Variants in ABHD12 observed in about 807,000 individuals in gnomAD.
ABHD12 encodes the protein lysophosphatidylserine lipase ABHD12.
In ABHD12, 43 loss-of-function variants were observed where a neutral mutation model predicts 58.3. That is an observed-to-expected ratio of 0.74 (90% CI 0.58 to 0.95). The LOEUF (loss-of-function observed/expected upper bound fraction) is 0.95. Ranked by LOEUF, ABHD12 falls within the 40% of genes least tolerant of loss-of-function variation. ABHD12 has a pLI of 0.00. For missense variants in ABHD12, 539 were observed against 537.2 expected (o/e 1.00, Z -0.03); for synonymous variants, 219 against 211.2 (o/e 1.04, Z -0.32).
chr20:25,363,575 A>C (rs1294287456), intron 1 of ABHD12, among the ~76,000 whole-genome samples: 1 of 152,090 alleles, frequency 6.6e-6, no homozygotes, highest in Non-Finnish European at 1.5e-5. Flanking sequence ...ATCAATATTT[A>C]ATTTTAAGGG....
intron 5 of ABHD12, among the ~76,000 whole-genome samples, chr20:25,315,814 G>A (rs1275623734): frequency 6.6e-6 from 1 of 150,930 alleles, no homozygotes; most frequent in African/African-American, 2.5e-5. Flanking sequence ...CAATAGCTCA[G>A]AGCTGGGTGT....
intron 3 of ABHD12, among the ~76,000 whole-genome samples, chr20:25,322,381 A>ATATTTTTTTTTTT: frequency 1.7e-5 from 1 of 59,282 alleles, no homozygotes; most frequent in Admixed American, 2.1e-4. Context: ...ATATATATAT[A>ATATTTTTTTTTTT]TTTTTTTTTT....
At chr20:25,336,350 T>A (rs1337721631) in intron 2 of ABHD12, among the ~76,000 whole-genome samples, 1 of 152,188 alleles carries the variant, frequency 6.6e-6, no homozygotes, top group East Asian at 1.9e-4. Flanking sequence ...ATAATCATGA[T>A]GTTTTGCTTA....
chr20:25,322,379 A>ATTTTTTTTTTT (rs1290185808), intron 3 of ABHD12, among the ~76,000 whole-genome samples: 3 of 53,718 alleles, frequency 5.6e-5, no homozygotes, highest in African/African-American at 2.3e-4. Context: ...ATATATATAT[A>ATTTTTTTTTTT]TATTTTTTTT....
At chr20:25,322,434 C>T (rs1475516132) in intron 3 of ABHD12, among the ~76,000 whole-genome samples, 1 of 132,866 alleles carries the variant, frequency 7.5e-6, no homozygotes, top group African/African-American at 2.8e-5. Context: ...GGCTGGAGTG[C>T]AGTGGCATAA....
chr20:25,339,771 AC>A, intron 1 of ABHD12: 1 of 1,274,448 alleles, frequency 7.8e-7, no homozygotes, highest in Non-Finnish European at 1.0e-6. Flanking sequence ...GGCGTAGGTT[AC>A]TTATTAGCTC....
chr20:25,300,778 C>G lies in ABHD12; in HGVS notation c.*67G>C. 1 of 1,612,828 alleles carries G rather than the reference C, an allele frequency of 6.2e-7. No individual in the cohort carries two copies. Among genetic ancestry groups the G allele is most frequent in the South Asian group, 1.1e-5 (1 of 90,952 alleles). On this transcript the variant is annotated 3_prime_UTR_variant, in exon 13 of 13. Transcript: ENST00000339157. ...CCGGCCCCCCGGGGCTTCAGGATAC[C>G]GGGCTGCTGACTGGAGGAAAACGGG...
intron 1 of ABHD12, among the ~76,000 whole-genome samples, chr20:25,353,608 G>C (rs1277770231): frequency 6.6e-6 from 1 of 152,184 alleles, no homozygotes; most frequent in Non-Finnish European, 1.5e-5. Flanking sequence ...GTTCACTTTA[G>C]AGCAGGACTG....
intron 2 of ABHD12, 72 bp downstream of exon 2, chr20:25,339,155 C>G: frequency 1.3e-6 from 2 of 1,595,600 alleles, no homozygotes; most frequent in Non-Finnish European, 1.7e-6. Flanking sequence ...AAAGACTACC[C>G]CTAAAATCAG....
At chr20:25,357,505 A>T (rs902761004) in intron 1 of ABHD12, among the ~76,000 whole-genome samples, 7 of 152,216 alleles carry the variant, frequency 4.6e-5, no homozygotes, top group African/African-American at 1.7e-4. Flanking sequence ...TTCTATCGTG[A>T]ACCACTTTCT....
intron 1 of ABHD12, among the ~76,000 whole-genome samples, chr20:25,350,562 C>G (rs1207063292): frequency 6.6e-6 from 1 of 152,216 alleles, no homozygotes; most frequent in East Asian, 1.9e-4. Context: ...ATAGTGAGGG[C>G]TCCCCAGCCA....
exon 13 of ABHD12, chr20:25,294,949 G>T: frequency 6.2e-7 from 1 of 1,613,908 alleles, no homozygotes; most frequent in Non-Finnish European, 8.5e-7. Flanking sequence ...GCTCTTCGAT[G>T]ACCGTGTCAC....
intron 7 of ABHD12, 147 bp downstream of exon 7, chr20:25,309,299 G>T: frequency 8.3e-7 from 1 of 1,208,836 alleles, no homozygotes; most frequent in Non-Finnish European, 1.2e-6. Context: ...TTCCCCTCCT[G>T]CCTCTGCCAT....
At chr20:25,306,810 A>G in intron 10 of ABHD12, 23 bp downstream of exon 10, 1 of 1,537,854 alleles carries the variant, frequency 6.5e-7, no homozygotes, top group Non-Finnish European at 9.0e-7. Context: ...TAGGAAAATT[A>G]GTTCCTGTCC....
intron 1 of ABHD12, among the ~76,000 whole-genome samples, chr20:25,370,066 A>G (rs573430311): frequency 1.7e-4 from 26 of 152,144 alleles, no homozygotes; most frequent in Non-Finnish European, 3.1e-4. Context: ...AAAGAAATGC[A>G]CAAAACCACT....
chr20:25,368,771 G>C, intron 1 of ABHD12: 1 of 861,164 alleles, frequency 1.2e-6, no homozygotes. Context: ...GACCATGGCT[G>C]ATAGTACAGG....
chr20:25,362,682 G>A (rs548722131), intron 1 of ABHD12, among the ~76,000 whole-genome samples: 13 of 150,028 alleles, frequency 8.7e-5, no homozygotes, highest in South Asian at 2.1e-4. Flanking sequence ...TTTTTTTGTC[G>A]TTGTTTTTTG....
intron 1 of ABHD12, chr20:25,368,722 G>C: frequency 8.0e-7 from 1 of 1,247,164 alleles, no homozygotes; most frequent in Non-Finnish European, 1.2e-6. Flanking sequence ...GCGGCCCAAG[G>C]GCTTGCCTTC....
At chr20:25,371,120 A>G (rs1022898049) in intron 1 of ABHD12, among the ~76,000 whole-genome samples, 3 of 152,216 alleles carry the variant, frequency 2.0e-5, no homozygotes, top group Admixed American at 1.3e-4. Flanking sequence ...GAGAGTGATC[A>G]GCTAATTAGG....
Sources: allele counts gnomAD v4.1 joint callset (sites outside exome capture counted in the v4.1 genomes callset), GRCh38; gene constraint gnomAD v4.1.1; transcripts MANE v1.5; gene names NCBI Gene and HGNC (gene_info 2026-07-23, HGNC 2026-07-21).